Variants in NDST4 observed in about 807,000 individuals in gnomAD.
The protein encoded by NDST4 is N-deacetylase and N-sulfotransferase 4, also known as N-heparan sulfate sulfotransferase 4.
NDST4 carries 63 observed loss-of-function variants against 100.8 expected under a neutral mutation model. That is an observed-to-expected ratio of 0.62 (90% CI 0.51 to 0.77). NDST4 has a LOEUF of 0.77. Ranked by LOEUF, NDST4 falls within the 30% of genes least tolerant of loss-of-function variation. The pLI, the probability that NDST4 is intolerant of heterozygous loss-of-function variation, is 0.00. For synonymous variants in NDST4, 377 were observed against 361.8 expected (o/e 1.04, Z -0.48); for missense variants, 943 against 1,018.4 (o/e 0.93, Z 1.01).
chr4:115,051,411 C>T (rs1312302136), intron 2 of NDST4, among the ~76,000 whole-genome samples: 1 of 151,776 alleles, frequency 6.6e-6, no homozygotes, highest in African/African-American at 2.4e-5. Context: ...CCTTAATTTT[C>T]CCATCCTTTC....
chr4:115,098,495 T>C (rs1407252422), intron 1 of NDST4, among the ~76,000 whole-genome samples: 1 of 152,016 alleles, frequency 6.6e-6, no homozygotes, highest in African/African-American at 2.4e-5. Context: ...CAAAGTATAT[T>C]TGGAAAGCAA....
intron 1 of NDST4, among the ~76,000 whole-genome samples, chr4:115,111,384 G>A (rs1022180831): frequency 2.6e-5 from 4 of 151,614 alleles, no homozygotes; most frequent in Admixed American, 6.6e-5. Flanking sequence ...ACATAAGCAT[G>A]AGCATATGTT....
At chr4:114,867,857 T>C (rs953176732) in intron 7 of NDST4, among the ~76,000 whole-genome samples, 2 of 152,064 alleles carry the variant, frequency 1.3e-5, no homozygotes, top group African/African-American at 2.4e-5. Flanking sequence ...TCAGTACACA[T>C]TCCCATGTTA....
At chr4:114,922,022 C>G (rs927090238) in intron 6 of NDST4, among the ~76,000 whole-genome samples, 1 of 152,018 alleles carries the variant, frequency 6.6e-6, no homozygotes, top group African/African-American at 2.4e-5. Flanking sequence ...CAGACCCAGG[C>G]AGGGCAGGAG....
intron 1 of NDST4, among the ~76,000 whole-genome samples, chr4:115,110,690 A>C (rs1729936097): frequency 6.6e-6 from 1 of 151,902 alleles, no homozygotes; most frequent in South Asian, 2.1e-4. Flanking sequence ...CCTGAGAATA[A>C]ACTGTATTTT....
chr4:115,100,189 C>T (rs1729701315), intron 1 of NDST4, among the ~76,000 whole-genome samples: 1 of 151,924 alleles, frequency 6.6e-6, no homozygotes. Flanking sequence ...AGGTGGAACA[C>T]AGGTGATATT....
In NDST4 at chr4:115,076,405, T is replaced by G; in HGVS notation, c.632A>C (p.Glu211Ala). 1 of 1,614,000 alleles carries G rather than the reference T, an allele frequency of 6.2e-7. No homozygotes were observed. Among genetic ancestry groups the G allele is most frequent in the Non-Finnish European group, 8.5e-7 (1 of 1,179,972 alleles). Residue 211 changes from glutamate (E) to alanine (A), a missense_variant, in exon 2 of 14, where the codon GAG becomes GCG. Around this residue, in one of 2 missense-constraint regions of NDST4, gnomAD observed 417 missense variants for 384.2 expected, o/e 1.09. Transcript: ENST00000264363. ...GTCTTCCCCAGGAAGAGGGCCTTTC[T>G]CAACCTTGGGGGCTTTGGTAATATG... Reference protein sequence around the residue: ...LLHITKAPKVEKGPLPGEDWT... With the variant: ...LLHITKAPKVAKGPLPGEDWT...
intron 3 of NDST4, among the ~76,000 whole-genome samples, chr4:114,971,755 G>A (rs1726519590): frequency 6.6e-6 from 1 of 152,010 alleles, no homozygotes; most frequent in Non-Finnish European, 1.5e-5. Context: ...TGTTCCATGT[G>A]TGTGTCTTAA....
At position 114,876,275 on chromosome 4, in the gene NDST4, T is replaced by C. The variant is rs181531112; in HGVS notation, c.1537-5325A>G. Among the ~76,000 whole-genome samples the C allele has an allele frequency of 1.1e-3, 174 of 152,300 alleles. 2 individuals are homozygous for C. The highest frequency in any genetic ancestry group is 3.9e-3 in the African/African-American group (162 of 41,572). On this transcript the variant is annotated intron_variant, in intron 6 of 13. Transcript: ENST00000264363. ...GCGTGCCCCTTTTCAGAATAGTTCA[T>C]TGTGTTTAAAAATATGTCCATTAGC...
intron 1 of NDST4, among the ~76,000 whole-genome samples, chr4:115,100,400 CAG>C (rs560310559): frequency 2.0e-5 from 3 of 151,898 alleles, no homozygotes; most frequent in South Asian, 4.1e-4. Context: ...AAGTTGTACA[CAG>C]AGAAATATGG....
intron 2 of NDST4, among the ~76,000 whole-genome samples, chr4:115,056,606 T>G (rs1024968817): frequency 6.6e-6 from 1 of 152,166 alleles, no homozygotes. Flanking sequence ...CTCTACCAAG[T>G]GCATGATAGA....
chr4:115,022,473 GTGTTCCATATATA>G (rs1727876746), intron 2 of NDST4, among the ~76,000 whole-genome samples: 5 of 63,340 alleles, frequency 7.9e-5, no homozygotes, highest in African/African-American at 1.5e-4. Context: ...CCATATATAT[GTGTTCCATATATA>G]TGTTCCATAT....
intron 9 of NDST4, among the ~76,000 whole-genome samples, chr4:114,847,073 A>G (rs1264103214): frequency 6.6e-6 from 1 of 151,962 alleles, no homozygotes; most frequent in South Asian, 2.1e-4. Context: ...TCCTAGCTGT[A>G]CCTTAAAAAA....
chr4:114,838,739 C>T (rs115076422), intron 11 of NDST4, among the ~76,000 whole-genome samples: 1,675 of 150,432 alleles, frequency 0.011, 35 homozygotes, highest in African/African-American at 0.039. Flanking sequence ...ATGGGTGGAG[C>T]GAACCACCGT....
intron 1 of NDST4, among the ~76,000 whole-genome samples, chr4:115,101,258 G>A (rs1729722905): frequency 6.6e-6 from 1 of 152,098 alleles, no homozygotes; most frequent in Non-Finnish European, 1.5e-5. Flanking sequence ...AAGTTATTTA[G>A]AAGTAGAGAA....
At chr4:114,909,456 C>T (rs1467827184) in intron 6 of NDST4, among the ~76,000 whole-genome samples, 4 of 150,696 alleles carry the variant, frequency 2.7e-5, no homozygotes, top group South Asian at 4.2e-4. Context: ...GTCAGGAGAT[C>T]GAGACCATCC....
At chr4:114,982,869 T>G (rs973711748) in intron 2 of NDST4, among the ~76,000 whole-genome samples, 7 of 152,170 alleles carry the variant, frequency 4.6e-5, no homozygotes, top group African/African-American at 1.7e-4. Context: ...AGCTTCTCTG[T>G]GCAGCCTAGG....
intron 2 of NDST4, among the ~76,000 whole-genome samples, chr4:115,035,929 T>A (rs1244194632): frequency 6.6e-6 from 1 of 151,912 alleles, no homozygotes; most frequent in African/African-American, 2.4e-5. Flanking sequence ...CCAGTAAAAA[T>A]ACAGAAAGAT....
chr4:115,053,258 T>C (rs1019546845), intron 2 of NDST4, among the ~76,000 whole-genome samples: 2 of 152,152 alleles, frequency 1.3e-5, no homozygotes, highest in African/African-American at 4.8e-5. Flanking sequence ...TAACCAGTGA[T>C]GAACATTTTA....
Sources: gnomAD v4.1 joint callset for allele counts (sites outside exome capture counted in the v4.1 genomes callset) on GRCh38, gnomAD v4.1.1 for gene constraint, gnomAD v4.1.1 regional missense constraint, MANE v1.5 for transcripts, NCBI Gene and HGNC (gene_info 2026-07-23, HGNC 2026-07-21) for gene names.